PDE8A: variants seen among roughly 807,000 people sequenced by gnomAD.
The protein encoded by PDE8A is high affinity cAMP-specific and IBMX-insensitive 3',5'-cyclic phosphodiesterase 8A.
PDE8A carries 59 observed loss-of-function variants against 105.0 expected under a neutral mutation model. That is an observed-to-expected ratio of 0.56 (90% confidence interval 0.46 to 0.70). The LOEUF is 0.70. Ranked by LOEUF, PDE8A falls within the 30% of genes least tolerant of loss-of-function variation. The pLI is 0.00. For synonymous variants in PDE8A, 355 were observed against 371.9 expected, an observed-to-expected ratio of 0.95 and a Z score of 0.52; for missense variants, 1,014 against 1,045.9, an observed-to-expected ratio of 0.97 and a Z score of 0.42.
Position 85,049,866 on chromosome 15 carries a change from C to T in PDE8A, c.187-14504C>T, listed in dbSNP as rs567027767. Among the ~76,000 whole-genome samples the T allele has an allele frequency of 5.3e-5, 8 of 152,306 alleles. No homozygotes were observed. In the South Asian group the frequency reaches 8.3e-4, roughly 16 times the overall value. ...TATACCCAAAAGGGGATTGTTGGAT[C>T]ATATGTTAATTCTATTTTTTTAATT... On this transcript the variant is annotated intron_variant, in intron 1 of 21. Transcript: ENST00000394553.
intron 1 of PDE8A, among the ~76,000 whole-genome samples, chr15:84,984,336 C>A (rs2079767768): frequency 2.0e-5 from 3 of 152,042 alleles, no homozygotes; most frequent in Admixed American, 2.0e-4. Flanking sequence ...TTTTTCTAGT[C>A]TAATATTTTT....
chr15:85,124,734 C>G (rs1389732991), intron 19 of PDE8A, among the ~76,000 whole-genome samples: 1 of 152,162 alleles, frequency 6.6e-6, no homozygotes, highest in Admixed American at 6.5e-5. Context: ...GGTGCCTGTA[C>G]CAGCCTGTTT....
rs575545343 is a variant in PDE8A, at chr15:85,109,717, G to C, written c.1114+587G>C. 5.3e-5 allele frequency among the ~76,000 whole-genome samples: 8 copies of C among 152,310 alleles called. No individual in the cohort carries two copies. The South Asian group carries it at 1.2e-3, about 24-fold the overall frequency. On this transcript the variant is annotated intron_variant, in intron 12 of 21. Coordinates refer to ENST00000394553, the MANE Select transcript of PDE8A (RefSeq NM_002605.3). ...ATGAATACAGAAGGATACAGAGCTG[G>C]TTGTACTGGTTCAAAAGACAAACTT...
At chr15:85,065,483 TA>T (rs573642824) in intron 2 of PDE8A, among the ~76,000 whole-genome samples, 2,707 of 141,794 alleles carry the variant, frequency 0.019, 33 homozygotes, top group South Asian at 0.044. Flanking sequence ...AAAGTATAAT[TA>T]AAAAAAAAAA....
chr15:84,984,721 ATGAGAAAAGAG>A (rs2079774390), intron 1 of PDE8A, among the ~76,000 whole-genome samples: 1 of 152,220 alleles, frequency 6.6e-6, no homozygotes, highest in African/African-American at 2.4e-5. Flanking sequence ...TTAGTATTGT[ATGAGAAAAGAG>A]TTCCGTGGTC....
chr15:85,124,952 G>C lies in PDE8A; in HGVS notation c.2086-1255G>C, dbSNP rs567952800. On this transcript the variant is annotated intron_variant, in intron 19 of 21. Transcript: ENST00000394553. ...TCGGTACATGGGGTTACTTCTGAGA[G>C]ACTGAAAATCAATATCCAGTGGGTC... Among the ~76,000 whole-genome samples, 3 of 152,330 alleles carry C rather than the reference G, an allele frequency of 2.0e-5. No homozygotes were observed. The South Asian group carries it at 6.2e-4, about 32-fold the overall frequency.
intron 1 of PDE8A, among the ~76,000 whole-genome samples, chr15:85,053,737 T>C (rs2081013221): frequency 6.6e-6 from 1 of 152,274 alleles, no homozygotes; most frequent in African/African-American, 2.4e-5. Context: ...TGGGGTTTTC[T>C]AAATATACAA....
chr15:85,127,029 C>G (rs1242889303), intron 20 of PDE8A, among the ~76,000 whole-genome samples: 4 of 152,072 alleles, frequency 2.6e-5, no homozygotes, highest in Non-Finnish European at 5.9e-5. Flanking sequence ...GACCTTGTCT[C>G]TACAAAAAAA....
At chr15:85,058,287 A>G (rs1007397702) in intron 1 of PDE8A, among the ~76,000 whole-genome samples, 2 of 151,536 alleles carry the variant, frequency 1.3e-5, no homozygotes, top group African/African-American at 2.4e-5. Flanking sequence ...GGGTCTCGTT[A>G]TTTTGCCTAG....
At chr15:85,001,354 T>C (rs1210661671) in intron 1 of PDE8A, among the ~76,000 whole-genome samples, 2 of 152,196 alleles carry the variant, frequency 1.3e-5, no homozygotes, top group African/African-American at 4.8e-5. Flanking sequence ...TTTTTGTATT[T>C]GCAATATTCC....
intron 20 of PDE8A, among the ~76,000 whole-genome samples, chr15:85,134,754 C>T (rs1358088134): frequency 6.6e-6 from 1 of 152,290 alleles, no homozygotes; most frequent in Admixed American, 6.5e-5. Context: ...AGAGGTTCGC[C>T]TGCTTCTCTC....
chr15:84,983,077 G>T (rs2079745938), intron 1 of PDE8A, among the ~76,000 whole-genome samples: 1 of 152,090 alleles, frequency 6.6e-6, no homozygotes, highest in Non-Finnish European at 1.5e-5. Flanking sequence ...CTTCTCCAGC[G>T]CATGTTGCCT....
At chr15:85,052,192 T>G (rs902304711) in intron 1 of PDE8A, among the ~76,000 whole-genome samples, 15 of 152,240 alleles carry the variant, frequency 9.9e-5, no homozygotes, top group Admixed American at 4.6e-4. Flanking sequence ...ATGGTGTATA[T>G]GTACCACATT....
chr15:85,031,647 CCT>C (rs981412424), intron 1 of PDE8A, among the ~76,000 whole-genome samples: 1 of 152,104 alleles, frequency 6.6e-6, no homozygotes, highest in African/African-American at 2.4e-5. Context: ...AGTAGATTAA[CCT>C]CTCTGTTTCC....
chr15:85,125,409 A>G (rs765549904), intron 19 of PDE8A, among the ~76,000 whole-genome samples: 2 of 152,096 alleles, frequency 1.3e-5, no homozygotes, highest in African/African-American at 2.4e-5. Flanking sequence ...AGAGCCTACA[A>G]ATAGTGGTTC....
chr15:85,084,693 G>T (rs1007321645), intron 6 of PDE8A, among the ~76,000 whole-genome samples: 1 of 152,222 alleles, frequency 6.6e-6, no homozygotes, highest in Non-Finnish European at 1.5e-5. Context: ...TTACACCCAA[G>T]ATCTTGTAAG....
At chr15:85,065,987 T>C (rs1281759213) in intron 2 of PDE8A, among the ~76,000 whole-genome samples, 2 of 151,806 alleles carry the variant, frequency 1.3e-5, no homozygotes, top group Non-Finnish European at 2.9e-5. Context: ...AAGTGTCACA[T>C]TTTGGTCTAC....
intron 1 of PDE8A, among the ~76,000 whole-genome samples, chr15:85,032,618 T>C (rs1596459321): frequency 6.6e-6 from 1 of 152,156 alleles, no homozygotes; most frequent in Admixed American, 6.5e-5. Context: ...TTTTAAAGTT[T>C]AAACATTTCA....
chr15:85,059,690 T>G (rs1270884222), intron 1 of PDE8A, among the ~76,000 whole-genome samples: 3 of 152,200 alleles, frequency 2.0e-5, no homozygotes, highest in Non-Finnish European at 2.9e-5. Flanking sequence ...TCCTTTCACT[T>G]TCTATTTTTG....
Sources: gnomAD v4.1 joint callset for allele counts (sites outside exome capture counted in the v4.1 genomes callset) on GRCh38, gnomAD v4.1.1 for gene constraint, MANE v1.5 for transcripts, NCBI Gene and HGNC (gene_info 2026-07-23, HGNC 2026-07-21) for gene names.